The following ERN1 variants were observed in gnomAD, a reference collection of about 807,000 sequenced individuals.
ERN1 encodes the protein serine/threonine-protein kinase/endoribonuclease IRE1.
ERN1 carries 39 observed loss-of-function variants against 113.1 expected under a neutral mutation model. The observed-to-expected ratio is 0.34, with a 90% CI of 0.27 to 0.45. ERN1 has a LOEUF of 0.45. Ranked by LOEUF, ERN1 falls within the 20% of genes least tolerant of loss-of-function variation. ERN1 has a pLI of 1.00. For synonymous variants in ERN1, 507 were observed against 515.9 expected, an observed-to-expected ratio of 0.98 and a Z score of 0.23; for missense variants, 976 against 1,274.8, an observed-to-expected ratio of 0.77 and a Z score of 3.57.
At chr17:64,112,314 G>A (rs958756270) in intron 1 of ERN1, among the ~76,000 whole-genome samples, 3 of 151,388 alleles carry the variant, frequency 2.0e-5, no homozygotes, top group African/African-American at 7.3e-5. Context: ...AGCGCAGTGA[G>A]CTGAGATTGC....
chr17:64,105,770 A>G (rs1484232848), intron 1 of ERN1, among the ~76,000 whole-genome samples: 2 of 152,224 alleles, frequency 1.3e-5, no homozygotes, highest in African/African-American at 4.8e-5. Context: ...GTTCGAGACC[A>G]GCCTGGCCAA....
intron 17 of ERN1, 110 bp downstream of exon 17, chr17:64,052,670 T>C: frequency 1.1e-6 from 1 of 935,190 alleles, no homozygotes; most frequent in Non-Finnish European, 1.5e-6. Flanking sequence ...GGAATGCCAT[T>C]CTCCAGCTAC....
intron 1 of ERN1, among the ~76,000 whole-genome samples, chr17:64,099,721 G>C (rs571048749): frequency 6.6e-6 from 1 of 152,252 alleles, no homozygotes; most frequent in South Asian, 2.1e-4. Flanking sequence ...TCCTTCAAAG[G>C]GAAGGCCCCA....
intron 2 of ERN1, among the ~76,000 whole-genome samples, chr17:64,089,622 G>A (rs939033091): frequency 4.6e-5 from 7 of 152,122 alleles, no homozygotes; most frequent in African/African-American, 1.4e-4. Context: ...TTAGACAGGC[G>A]GGCATTGAGG....
At chr17:64,117,033 A>G (rs1914825165) in intron 1 of ERN1, among the ~76,000 whole-genome samples, 1 of 151,828 alleles carries the variant, frequency 6.6e-6, no homozygotes, top group Non-Finnish European at 1.5e-5. Flanking sequence ...AATGGTGTGA[A>G]CCCGGGAGGC....
At chr17:64,093,242 G>C (rs1914137719) in intron 2 of ERN1, among the ~76,000 whole-genome samples, 1 of 152,178 alleles carries the variant, frequency 6.6e-6, no homozygotes, top group South Asian at 2.1e-4. Flanking sequence ...CCCCAGTTTG[G>C]TGAGTTAAAG....
chr17:64,075,159 A>C lies in ERN1; in HGVS notation c.355+16T>G. On this transcript the variant is annotated intron_variant, in intron 5 of 21. Coordinates refer to ENST00000433197, the MANE Select transcript of ERN1 (RefSeq NM_001433.5). ...ACATCAAAGAGACACAAGTTTCTGG[A>C]GACAGGAACTCTTACCCATGTAGAG... The C allele has an allele frequency of 6.5e-7, 1 of 1,537,614 alleles. No homozygotes were observed. The highest frequency in any genetic ancestry group is 8.8e-7 in the Non-Finnish European group (1 of 1,135,336).
chr17:64,098,377 G>A (rs1914289004), intron 1 of ERN1, 136 bp from the exon 2 acceptor site: 2 of 1,134,932 alleles, frequency 1.8e-6, no homozygotes, highest in African/African-American at 1.5e-5. Flanking sequence ...AAGGTGGAGA[G>A]CCTAAATTCC....
chr17:64,077,593 C>T (rs933675764), intron 4 of ERN1, among the ~76,000 whole-genome samples: 1 of 152,112 alleles, frequency 6.6e-6, no homozygotes, highest in Non-Finnish European at 1.5e-5. Flanking sequence ...CGGCGTGTGT[C>T]GTCATAGACT....
intron 7 of ERN1, among the ~76,000 whole-genome samples, chr17:64,067,632 C>T (rs913547735): frequency 6.6e-6 from 1 of 151,654 alleles, no homozygotes; most frequent in Admixed American, 6.6e-5. Flanking sequence ...AAAAAAACAC[C>T]CTGAAAGTCA....
At chr17:64,104,297 T>C (rs1372492762) in intron 1 of ERN1, among the ~76,000 whole-genome samples, 10 of 152,162 alleles carry the variant, frequency 6.6e-5, no homozygotes. Flanking sequence ...TTCAGCAGCC[T>C]TATCACTGAA....
At chr17:64,071,513 C>T (rs1913416372) in intron 6 of ERN1, among the ~76,000 whole-genome samples, 1 of 152,064 alleles carries the variant, frequency 6.6e-6, no homozygotes, top group South Asian at 2.1e-4. Flanking sequence ...CTCCACCTCC[C>T]CAGTTCAGGC....
chr17:64,098,513 T>TG, intron 1 of ERN1: 1 of 641,932 alleles, frequency 1.6e-6, no homozygotes, highest in Non-Finnish European at 2.9e-6. Context: ...CAACCTCCAC[T>TG]GAAACAGAGG....
At chr17:64,111,357 G>GT (rs556113039) in intron 1 of ERN1, among the ~76,000 whole-genome samples, 11,312 of 138,310 alleles carry the variant, frequency 0.082, 470 homozygotes, top group African/African-American at 0.11. Context: ...GTCATCCAAT[G>GT]TTTTTTTTTT....
intron 1 of ERN1, among the ~76,000 whole-genome samples, chr17:64,108,099 T>TTTC (rs777344931): frequency 6.6e-6 from 1 of 152,130 alleles, no homozygotes; most frequent in East Asian, 1.9e-4. Flanking sequence ...AGAGTTAAAC[T>TTTC]TTCAGTGTTT....
chr17:64,114,229 C>G (rs1449877635), intron 1 of ERN1, among the ~76,000 whole-genome samples: 2 of 152,126 alleles, frequency 1.3e-5, no homozygotes, highest in African/African-American at 4.8e-5. Context: ...CAAATGAGAT[C>G]TGGTTTCCTG....
At position 64,043,907 on chromosome 17, in the gene ERN1, C is replaced by A; in HGVS notation, c.*81G>T. The A allele has an allele frequency of 1.0e-6, 1 of 986,522 alleles. No homozygotes were observed. The allele number at this position is 986,522 out of a possible 1,614,324, so 61.1% of individuals were successfully genotyped here. On this transcript the variant is annotated 3_prime_UTR_variant, in exon 22 of 22. Coordinates refer to ENST00000433197, the MANE Select transcript of ERN1 (RefSeq NM_001433.5). ...TGGGAAGCCTGGTCTCCCTGCAAAG[C>A]CGGGAGGCATCAAGCTCTAATTGTG...
Position 64,053,304 on chromosome 17 carries a change from G to C in ERN1, c.2021C>G (p.Ser674Trp), listed in dbSNP as rs372670758. The change falls in exon 16 of 22, where the codon TCG (serine) becomes TGG (tryptophan). Residue 674 changes from serine to tryptophan, a missense_variant. Coordinates refer to ENST00000433197, the MANE Select transcript of ERN1 (RefSeq NM_001433.5). ...GAGGGAGTGGAGGTGGGCCAGGCCC[G>C]AGGTGGTCTGCTGCAGCAAGGTGAT... is the stretch of plus-strand genomic sequence containing the variant. ...EPITLLQQTT[S>W]GLAHLHSLNI... 1 of 1,611,344 alleles carries C rather than the reference G, an allele frequency of 6.2e-7. No homozygotes were observed. Among genetic ancestry groups the C allele is most frequent in the Non-Finnish European group, 8.5e-7 (1 of 1,179,284 alleles).
At chr17:64,095,456 T>G (rs1365582719) in intron 2 of ERN1, among the ~76,000 whole-genome samples, 1 of 152,052 alleles carries the variant, frequency 6.6e-6, no homozygotes, top group Non-Finnish European at 1.5e-5. Flanking sequence ...GAAAAGAAAT[T>G]ATTAGACCTT....
Sources: gnomAD v4.1 joint callset for allele counts (sites outside exome capture counted in the v4.1 genomes callset) on GRCh38, gnomAD v4.1.1 for gene constraint, MANE v1.5 for transcripts, NCBI Gene and HGNC (gene_info 2026-07-23, HGNC 2026-07-21) for gene names.